NBL1: variants seen among roughly 807,000 people sequenced by gnomAD.
NBL1 encodes NBL1, DAN family BMP antagonist.
Under a neutral mutation model 16.0 loss-of-function variants are expected in NBL1, and 9 were observed. That is an observed-to-expected ratio of 0.56 (90% confidence interval 0.34 to 0.98). The LOEUF (loss-of-function observed/expected upper bound fraction) is 0.98. Ranked by LOEUF, NBL1 falls within the 50% of genes least tolerant of loss-of-function variation. The pLI is 0.02. For missense variants in NBL1, 196 were observed against 243.1 expected, an observed-to-expected ratio of 0.81 and a Z score of 1.29; for synonymous variants, 86 against 100.7, an observed-to-expected ratio of 0.85 and a Z score of 0.87.
At position 19,655,237 on chromosome 1, in the gene NBL1, G is replaced by C. The variant is rs1330093931; in HGVS notation, c.170+37G>C. The C allele has an allele frequency of 1.9e-6, 3 of 1,606,608 alleles. No homozygotes were observed. The Admixed American group carries it at 5.0e-5, about 27-fold the overall frequency. On this transcript the variant is annotated intron_variant, in intron 2 of 3. Coordinates refer to ENST00000375136, the MANE Select transcript of NBL1 (RefSeq NM_005380.8). ...GGGGTGGGTGGGGGGATGCGGACAG[G>C]GGTCCAAGGAGGGAGGAAGAGGACC...
At chr1:19,643,938 C>T, upstream of NBL1, 2 of 986,194 alleles carry the variant, frequency 2.0e-6, no homozygotes, top group Non-Finnish European at 2.4e-6. The surrounding 1 kb of genome is among the most constrained non-coding windows in gnomAD (Gnocchi z 4.7). Flanking sequence ...CTGGCACGGC[C>T]TGACGGCCCA....
intron 1 of NBL1, among the ~76,000 whole-genome samples, chr1:19,645,154 G>A (rs1451796575): frequency 1.3e-5 from 2 of 152,140 alleles, no homozygotes; most frequent in Non-Finnish European, 2.9e-5. Context: ...TTCACGAATA[G>A]TTTCCTAGAC....
chr1:19,643,694 G>A (rs1314570947), upstream of NBL1: 14 of 1,178,928 alleles, frequency 1.2e-5, no homozygotes, highest in East Asian at 1.7e-4. The surrounding 1 kb of genome is among the most constrained non-coding windows in gnomAD (Gnocchi z 4.7). Flanking sequence ...TTAAGCCAAG[G>A]GCGTGGGGCC....
At chr1:19,650,168 T>G (rs2095015103) in intron 1 of NBL1, among the ~76,000 whole-genome samples, 2 of 152,186 alleles carry the variant, frequency 1.3e-5, no homozygotes, top group South Asian at 4.1e-4. Context: ...CTAGGAGCAA[T>G]GGGCTATGCC....
chr1:19,655,491 G>C, intron 3 of NBL1, 56 bp downstream of exon 3: 1 of 1,584,478 alleles, frequency 6.3e-7, no homozygotes, highest in East Asian at 2.3e-5. Context: ...CCCCAGCCTT[G>C]GCCTTTCTCC....
chr1:19,655,909 A>G (rs1290457128), intron 3 of NBL1, among the ~76,000 whole-genome samples: 1 of 151,860 alleles, frequency 6.6e-6, no homozygotes, highest in Non-Finnish European at 1.5e-5. Flanking sequence ...CCTGCTTGGA[A>G]CACCACCTCT....
At chr1:19,654,322 A>T (rs941565393) in intron 1 of NBL1, among the ~76,000 whole-genome samples, 1 of 152,166 alleles carries the variant, frequency 6.6e-6, no homozygotes, top group Non-Finnish European at 1.5e-5. Context: ...GGATCACCTG[A>T]GCCCAGGGAA....
At position 19,647,711 on chromosome 1, in the gene NBL1, G is replaced by T. The variant is rs902143248; in HGVS notation, c.-20+3265G>T. ...TCCATCAGCTGGGGCCAAGTGTGGG[G>T]AGGTTCCCCGAGGAGGTTCTGGAAG... On this transcript the variant is annotated intron_variant, in intron 1 of 3. Coordinates refer to ENST00000375136, the MANE Select transcript of NBL1 (RefSeq NM_005380.8). The T allele has an allele frequency of 1.2e-5, 12 of 974,174 alleles. No individual in the cohort carries two copies. In the African/African-American group the frequency reaches 2.1e-4, roughly 17 times the overall value. 60.3% of individuals were successfully genotyped at this position (974,174 alleles called of 1,614,324 possible).
rs544453274 is a variant in NBL1, at chr1:19,645,589, C to A, written c.-20+1143C>A. ...GGGGAAGCAATTTGTCAACAAGGAG[C>A]CCCTCACCCTTTGTTACTGCGGAAT... is the stretch of plus-strand genomic sequence containing the variant. On this transcript the variant is annotated intron_variant, in intron 1 of 3. Coordinates refer to ENST00000375136, the MANE Select transcript of NBL1 (RefSeq NM_005380.8). The A allele has an allele frequency of 5.7e-5, 59 of 1,028,662 alleles. No individual in the cohort carries two copies. The East Asian group carries it at 4.7e-3, about 82-fold the overall frequency. 63.7% of individuals were successfully genotyped at this position (1,028,662 alleles called of 1,614,324 possible).
intron 1 of NBL1, among the ~76,000 whole-genome samples, chr1:19,649,293 A>G (rs930128281): frequency 6.6e-6 from 1 of 152,108 alleles, no homozygotes; most frequent in Non-Finnish European, 1.5e-5. Context: ...ATAAATTAAT[A>G]TCCAGTCACA....
intron 1 of NBL1, chr1:19,645,919 G>T (rs1412348820): frequency 5.6e-5 from 87 of 1,549,898 alleles, no homozygotes; most frequent in Middle Eastern, 1.7e-4. Context: ...AGGGTTGTTG[G>T]TGAGGTCTGC....
At chr1:19,650,812 A>C (rs2095019458) in intron 1 of NBL1, among the ~76,000 whole-genome samples, 1 of 152,096 alleles carries the variant, frequency 6.6e-6, no homozygotes, top group African/African-American at 2.4e-5. Context: ...TAAACCAACA[A>C]AAAAAGAAAA....
At chr1:19,644,038 C>T, upstream of NBL1, 1 of 981,374 alleles carries the variant, frequency 1.0e-6, no homozygotes, top group Non-Finnish European at 1.2e-6. The surrounding 1 kb of genome is among the most constrained non-coding windows in gnomAD (Gnocchi z 4.6). Flanking sequence ...GGCTGGGCTG[C>T]CCTGCCTCTC....
intron 1 of NBL1, 96 bp from the exon 2 acceptor site, chr1:19,654,916 C>T (rs1438051332): frequency 1.3e-5 from 19 of 1,422,772 alleles, no homozygotes; most frequent in South Asian, 6.1e-5. Context: ...GCTGGGGTTG[C>T]GCCAAGGAGT....
intron 1 of NBL1, chr1:19,645,316 A>G: frequency 2.1e-6 from 2 of 969,078 alleles, no homozygotes; most frequent in Non-Finnish European, 2.5e-6. Flanking sequence ...GCTGGACGAC[A>G]GGCCCTGCTG....
rs1368233970 is a variant in NBL1, at chr1:19,654,752, CAT to C, written c.-19-257_-19-256del. ...TAGGAAGTTGTAAAACCAACCAACA[CAT>C]ATGGAATGTGTATTATCTGCTAGGC... On this transcript the variant is annotated intron_variant, in intron 1 of 3. Transcript: ENST00000375136. Among the ~76,000 whole-genome samples, 3 of 152,092 alleles carry C rather than the reference CAT, an allele frequency of 2.0e-5. No homozygotes were observed. In the East Asian group the frequency reaches 5.8e-4, roughly 29 times the overall value.
chr1:19,654,613 CAT>C (rs2095045660), intron 1 of NBL1, among the ~76,000 whole-genome samples: 1 of 152,104 alleles, frequency 6.6e-6, no homozygotes, highest in Non-Finnish European at 1.5e-5. Context: ...CAGCACTTGA[CAT>C]GTGCTTGAAC....
intron 1 of NBL1, among the ~76,000 whole-genome samples, chr1:19,646,902 C>G (rs1388139905): frequency 1.3e-5 from 2 of 152,224 alleles, no homozygotes; most frequent in Non-Finnish European, 2.9e-5. Flanking sequence ...TCCAGTTTCA[C>G]TGGGGCAGAT....
At chr1:19,648,378 C>T (rs1258561214) in intron 1 of NBL1, among the ~76,000 whole-genome samples, 2 of 152,142 alleles carry the variant, frequency 1.3e-5, no homozygotes, top group African/African-American at 2.4e-5. Context: ...CTCAGAGTCC[C>T]GTGGGGAGCA....
Sources: gnomAD v4.1 joint callset for allele counts (sites outside exome capture counted in the v4.1 genomes callset) on GRCh38, gnomAD v4.1.1 for gene constraint, Gnocchi (gnomAD v3.1) non-coding constraint, MANE v1.5 for transcripts, NCBI Gene and HGNC (gene_info 2026-07-23, HGNC 2026-07-21) for gene names.